USH2A: variants seen among roughly 807,000 people sequenced by gnomAD.
USH2A encodes the protein usherin.
A neutral mutation model predicts 538.9 loss-of-function variants in USH2A; 443 were observed. The ratio of observed to expected loss-of-function variants is 0.82; its 90% CI spans 0.76 to 0.89. The LOEUF is 0.89. Among genes scored for constraint, USH2A ranks in the 40% least tolerant of loss-of-function variants. The pLI, the probability that USH2A is intolerant of heterozygous loss-of-function variation, is 0.00. For synonymous variants in USH2A, 2,413 were observed against 2,273.5 expected, an observed-to-expected ratio of 1.06 and a Z score of -1.75; for missense variants, 6,633 against 6,324.8, an observed-to-expected ratio of 1.05 and a Z score of -1.65.
In USH2A at chr1:215,838,041, T is replaced by A; in HGVS notation, c.9321A>T (p.Glu3107Asp). The change falls in exon 47 of 72, where the codon GAA (glutamate) becomes GAT (aspartate). Residue 3107 changes from glutamate to aspartate, a missense_variant. Physicochemically the swap from Glu to Asp is conservative, Grantham distance 45. Transcript: ENST00000307340. ...GTGTTGGTATATCACTTGGAGTGTCTTCCACAGTGGTAATTTGGGTTCCAT... is the reference window on the plus strand; with the variant it reads ...GTGTTGGTATATCACTTGGAGTGTCATCCACAGTGGTAATTTGGGTTCCAT... Reference protein sequence around the residue: ...KSNGTQITTVEDTPSDIPTPT... With the variant: ...KSNGTQITTVDDTPSDIPTPT... The A allele has an allele frequency of 2.5e-6, 4 of 1,614,062 alleles. No individual in the cohort carries two copies. The highest frequency in any genetic ancestry group is 3.4e-6 in the Non-Finnish European group (4 of 1,179,948).
At chr1:216,098,922 G>A (rs969776289) in intron 21 of USH2A, among the ~76,000 whole-genome samples, 1 of 152,170 alleles carries the variant, frequency 6.6e-6, no homozygotes, top group African/African-American at 2.4e-5. Context: ...TTTGAGGAAG[G>A]CTGGTTGTGA....
At chr1:215,965,100 A>G (rs1488391294) in intron 37 of USH2A, among the ~76,000 whole-genome samples, 1 of 152,074 alleles carries the variant, frequency 6.6e-6, no homozygotes, top group Non-Finnish European at 1.5e-5. Context: ...TACAACGTAC[A>G]TTTCTAAGCG....
chr1:216,354,172 T>G (rs2102694364), intron 4 of USH2A, among the ~76,000 whole-genome samples: 1 of 152,254 alleles, frequency 6.6e-6, no homozygotes, highest in South Asian at 2.1e-4. Flanking sequence ...ACAGATCAAC[T>G]TCAAGTCAGT....
chr1:215,808,468 C>T (rs910769211), intron 49 of USH2A, among the ~76,000 whole-genome samples: 1 of 151,910 alleles, frequency 6.6e-6, no homozygotes, highest in Non-Finnish European at 1.5e-5. Context: ...TTATTCAGGA[C>T]CATTAGTTTT....
chr1:215,888,305 C>T (rs1009935995), intron 41 of USH2A, 121 bp downstream of exon 41: 9 of 1,487,454 alleles, frequency 6.1e-6, no homozygotes, highest in African/African-American at 5.5e-5. Flanking sequence ...CCCAGTTTCT[C>T]CAGTGAATGC....
intron 14 of USH2A, among the ~76,000 whole-genome samples, chr1:216,226,080 T>A (rs890985208): frequency 6.6e-6 from 1 of 152,080 alleles, no homozygotes; most frequent in East Asian, 1.9e-4. Flanking sequence ...AAGGAAGAGG[T>A]AATTTTAAGA....
At chr1:215,670,550 T>C (rs1008062829) in intron 64 of USH2A, among the ~76,000 whole-genome samples, 6 of 152,220 alleles carry the variant, frequency 3.9e-5, no homozygotes, top group Non-Finnish European at 8.8e-5. Flanking sequence ...TAGACTTTTT[T>C]CAACATTCTG....
At chr1:216,265,406 A>G (rs1287639664) in intron 11 of USH2A, among the ~76,000 whole-genome samples, 1 of 152,136 alleles carries the variant, frequency 6.6e-6, no homozygotes, top group Non-Finnish European at 1.5e-5. Context: ...AGGAATGTAA[A>G]TTAGCATACC....
chr1:215,652,051 C>T (rs562933696), intron 64 of USH2A, among the ~76,000 whole-genome samples: 24 of 152,356 alleles, frequency 1.6e-4, no homozygotes, highest in Admixed American at 1.4e-3. Flanking sequence ...GATACATCCT[C>T]TCATCATTTG....
intron 61 of USH2A, among the ~76,000 whole-genome samples, chr1:215,721,971 G>C (rs980360819): frequency 6.6e-5 from 10 of 151,898 alleles, no homozygotes; most frequent in African/African-American, 2.4e-4. Context: ...AGGCTGAGGA[G>C]GGAGGATCAC....
chr1:216,296,919 T>C (rs764229710), intron 9 of USH2A, among the ~76,000 whole-genome samples: 1 of 151,936 alleles, frequency 6.6e-6, no homozygotes, highest in Non-Finnish European at 1.5e-5. Context: ...GTTCTATTAT[T>C]GGTGCTGCTG....
At chr1:216,121,360 G>A (rs551188201) in intron 21 of USH2A, among the ~76,000 whole-genome samples, 58 of 151,862 alleles carry the variant, frequency 3.8e-4, no homozygotes, top group Admixed American at 1.6e-3. Context: ...CCAAATTTTA[G>A]ACCTAAGGGA....
intron 27 of USH2A, among the ~76,000 whole-genome samples, chr1:216,076,603 C>T (rs1391327379): frequency 1.3e-5 from 2 of 151,948 alleles, no homozygotes; most frequent in Admixed American, 6.6e-5. Context: ...ACCTCAGAAA[C>T]CTGAAAACCT....
intron 4 of USH2A, among the ~76,000 whole-genome samples, chr1:216,364,068 T>A (rs2038547907): frequency 6.6e-6 from 1 of 151,150 alleles, no homozygotes; most frequent in Non-Finnish European, 1.5e-5. Context: ...AATACTATTT[T>A]TATTTTAATA....
rs373130157 is a variant in USH2A at position 216,190,339 on chromosome 1, A to G, written c.4280T>C (p.Leu1427Pro). 2.4e-5 allele frequency: 38 copies of G among 1,612,074 alleles called. No individual in the cohort carries two copies. Among genetic ancestry groups the G allele is most frequent in the Non-Finnish European group, 3.2e-5 (38 of 1,178,862 alleles). ...QLLHTAKSQE[L>P]SYTVEGLKPY... is the part of the protein sequence containing the mutation. ...TTTCAGTCCTTCTACAGTGTAAGAT[A>G]GTTCTTGGGATTTAGCAGTGTGCAA... Residue 1427 changes from leucine to proline, a missense_variant, in exon 20 of 72, where the codon CTA (leucine) becomes CCA (proline). Physicochemically the swap from Leu to Pro is moderately conservative, Grantham distance 98. Coordinates refer to ENST00000307340, the MANE Select transcript of USH2A (RefSeq NM_206933.4).
intron 38 of USH2A, among the ~76,000 whole-genome samples, chr1:215,916,321 G>A (rs1204110592): frequency 7.1e-6 from 1 of 140,994 alleles, no homozygotes; most frequent in Non-Finnish European, 1.5e-5. Flanking sequence ...CTCTGACTAG[G>A]AAAGAAACAT....
At chr1:215,953,779 C>A (rs1666992327) in intron 37 of USH2A, among the ~76,000 whole-genome samples, 1 of 151,746 alleles carries the variant, frequency 6.6e-6, no homozygotes, top group Admixed American at 6.6e-5. Flanking sequence ...AACAGGCAAC[C>A]TACAGAATGG....
At chr1:215,973,656 C>CTTTTTTTTTTTTT (rs750306238) in intron 35 of USH2A, among the ~76,000 whole-genome samples, 10 of 130,956 alleles carry the variant, frequency 7.6e-5, no homozygotes, top group Non-Finnish European at 1.4e-4. Context: ...TCTTCTTCTT[C>CTTTTTTTTTTTTT]TTTTTTTTTT....
At chr1:215,788,689 CAGAG>C (rs1661876473) in intron 51 of USH2A, among the ~76,000 whole-genome samples, 1 of 152,044 alleles carries the variant, frequency 6.6e-6, no homozygotes, top group South Asian at 2.1e-4. Flanking sequence ...TGGTTACCAA[CAGAG>C]AGATAGGAAT....
Sources: gnomAD v4.1 joint callset for allele counts (sites outside exome capture counted in the v4.1 genomes callset) on GRCh38, gnomAD v4.1.1 for gene constraint, MANE v1.5 for transcripts, NCBI Gene and HGNC (gene_info 2026-07-23, HGNC 2026-07-21) for gene names.